GFOD1: variants seen among roughly 807,000 people sequenced by gnomAD.
The protein encoded by GFOD1 is glucose-fructose oxidoreductase domain-containing protein 1.
A neutral mutation model predicts 25.4 loss-of-function variants in GFOD1; 9 were observed. The ratio of observed to expected loss-of-function variants is 0.35; its 90% CI spans 0.21 to 0.62. GFOD1 has a LOEUF of 0.62. Ranked by LOEUF, GFOD1 falls within the 20% of genes least tolerant of loss-of-function variation. The pLI, the probability that GFOD1 is intolerant of heterozygous loss-of-function variation, is 0.72. For missense variants in GFOD1, 403 were observed against 556.9 expected (o/e 0.72, Z 2.78); for synonymous variants, 253 against 245.6 (o/e 1.03, Z -0.28).
intron 1 of GFOD1, among the ~76,000 whole-genome samples, chr6:13,402,007 G>T (rs1050895150): frequency 2.1e-4 from 32 of 152,138 alleles, no homozygotes; most frequent in Non-Finnish European, 4.3e-4. Flanking sequence ...TCAATGAGAA[G>T]AATTAATTAA....
Position 13,360,683 on chromosome 6 carries a change from T to G in GFOD1, c.*4060A>C, listed in dbSNP as rs1192783048. The G allele has an allele frequency of 6.6e-6, 3 of 456,514 alleles. No individual in the cohort carries two copies. Among genetic ancestry groups the G allele is most frequent in the East Asian group, 1.4e-4 (2 of 14,408 alleles). 28.3% of individuals were successfully genotyped at this position (456,514 alleles called of 1,614,324 possible). A position where few individuals can be genotyped will look rare whatever the true frequency, so the allele number is the denominator to read the frequency against. On this transcript the variant is annotated 3_prime_UTR_variant, in exon 2 of 2. Coordinates refer to ENST00000379287, the MANE Select transcript of GFOD1 (RefSeq NM_018988.4). ...GGAAGAAACACTGGCTACTTCTATG[T>G]GCAGCTCTACAGCCTCCTGGCAGAA...
At chr6:13,474,070 G>A (rs1480554105) in intron 1 of GFOD1, among the ~76,000 whole-genome samples, 1 of 152,226 alleles carries the variant, frequency 6.6e-6, no homozygotes, top group African/African-American at 2.4e-5. Context: ...AACGTTTTAT[G>A]AGGGGGATCC....
chr6:13,428,245 G>A lies in GFOD1; in HGVS notation c.253+58393C>T, dbSNP rs1757678320. Among the ~76,000 whole-genome samples the A allele has an allele frequency of 2.6e-5, 4 of 152,342 alleles. No homozygotes were observed. In the South Asian group the frequency reaches 8.3e-4, roughly 32 times the overall value. ...TCTCTGCGGTGTCTTTAGAAGGCCA[G>A]TTCCTTTACGTGCCTCTCAAGCCCA... On this transcript the variant is annotated intron_variant, in intron 1 of 1. Transcript: ENST00000379287.
intron 1 of GFOD1, chr6:13,469,539 T>C: frequency 1.9e-6 from 2 of 1,042,686 alleles, no homozygotes; most frequent in Non-Finnish European, 2.3e-6. Context: ...CAGCACATTA[T>C]ACTGGAAAAC....
chr6:13,391,297 A>G (rs972976867), intron 1 of GFOD1, among the ~76,000 whole-genome samples: 1 of 152,154 alleles, frequency 6.6e-6, no homozygotes, highest in African/African-American at 2.4e-5. Context: ...TGGCCATTTG[A>G]AACCAGCCTG....
chr6:13,420,922 T>A (rs1584641580), intron 1 of GFOD1, among the ~76,000 whole-genome samples: 1 of 152,164 alleles, frequency 6.6e-6, no homozygotes, highest in Non-Finnish European at 1.5e-5. Flanking sequence ...ATGTCATACA[T>A]CAGACAAAAT....
At chr6:13,374,949 G>A (rs772788362) in intron 1 of GFOD1, among the ~76,000 whole-genome samples, 12 of 151,688 alleles carry the variant, frequency 7.9e-5, no homozygotes, top group Non-Finnish European at 1.5e-4. Flanking sequence ...CTCCATGTTG[G>A]TCAAGCTGGT....
chr6:13,460,530 A>C (rs1191319277), intron 1 of GFOD1, among the ~76,000 whole-genome samples: 1 of 152,240 alleles, frequency 6.6e-6, no homozygotes, highest in Non-Finnish European at 1.5e-5. Context: ...ATGGAGCTGG[A>C]AGCCATCATT....
At position 13,486,577 on chromosome 6, in the gene GFOD1, G is replaced by A. The variant is rs1484862528; in HGVS notation, c.253+61C>T. ...CGGAGAGGGAAAGGCAGGGGGGAAG[G>A]AACCTAGAGAAGGTTAAAGGGCGGG... On this transcript the variant is annotated intron_variant, in intron 1 of 1. Transcript: ENST00000379287. 6.0e-6 allele frequency: 8 copies of A among 1,330,978 alleles called. No homozygotes were observed. The South Asian group carries it at 6.4e-5, about 11-fold the overall frequency. 82.4% of individuals were successfully genotyped at this position (1,330,978 alleles called of 1,614,324 possible).
At chr6:13,402,082 T>C (rs1341024178) in intron 1 of GFOD1, among the ~76,000 whole-genome samples, 1 of 152,170 alleles carries the variant, frequency 6.6e-6, no homozygotes, top group Admixed American at 6.5e-5. Context: ...AAAAATTCAA[T>C]GGGAAAAGAA....
intron 1 of GFOD1, among the ~76,000 whole-genome samples, chr6:13,478,079 A>C (rs1758667824): frequency 2.0e-5 from 3 of 149,434 alleles, no homozygotes; most frequent in Non-Finnish European, 4.5e-5. Context: ...AAAAAAAAAC[A>C]AAACAAAGAA....
intron 1 of GFOD1, among the ~76,000 whole-genome samples, chr6:13,464,943 T>C (rs1248857860): frequency 6.6e-6 from 1 of 151,836 alleles, no homozygotes. Flanking sequence ...GAAACAGAAG[T>C]TTCCTTGACT....
chr6:13,374,021 A>T (rs2127556618), intron 1 of GFOD1, among the ~76,000 whole-genome samples: 1 of 152,272 alleles, frequency 6.6e-6, no homozygotes, highest in East Asian at 1.9e-4. Context: ...AATAGCAACA[A>T]CAGTCATTTA....
rs549872611 is a variant in GFOD1 at position 13,470,582 on chromosome 6, T to C, written c.253+16056A>G. The C allele has an allele frequency of 1.8e-4, 266 of 1,511,544 alleles. 1 individual carries two copies. In the South Asian group the frequency reaches 2.9e-3, roughly 17 times the overall value. 93.6% of individuals were successfully genotyped at this position (1,511,544 alleles called of 1,614,324 possible). ...AACAGAACCACGTGGCATTTTTTTT[T>C]CCCCAGTATTTTTCTGTCTGCTGAT... is the stretch of plus-strand genomic sequence containing the variant. On this transcript the variant is annotated intron_variant, in intron 1 of 1. Transcript: ENST00000379287.
rs199701343 is a variant in GFOD1 at position 13,400,061 on chromosome 6, A to ATT, written c.254-34401_254-34400dup. Among the ~76,000 whole-genome samples, 342 of 146,932 alleles carry ATT rather than the reference A, an allele frequency of 2.3e-3. 1 individual carries two copies. The highest frequency in any genetic ancestry group is 7.2e-3 in the Middle Eastern group (2 of 278). On this transcript the variant is annotated intron_variant, in intron 1 of 1. Coordinates refer to ENST00000379287, the MANE Select transcript of GFOD1 (RefSeq NM_018988.4). The stretch of plus-strand genomic sequence containing the variant: ...AATCTATACAACTGTGGGGATTCTG[A>ATT]TTTTTTTTTTTTAAGAGGCCTCTGG...
chr6:13,361,197 C>T lies in GFOD1; in HGVS notation c.*3546G>A. On this transcript the variant is annotated 3_prime_UTR_variant, in exon 2 of 2. Transcript: ENST00000379287. ...TGTAGGCTAAGGGGGGTCTGGGGTGCCCTACAATGCAATTGTCTGTTGAGA... is the reference window on the plus strand; with the variant it reads ...TGTAGGCTAAGGGGGGTCTGGGGTGTCCTACAATGCAATTGTCTGTTGAGA... 1 of 259,478 alleles carries T rather than the reference C, an allele frequency of 3.9e-6. No homozygotes were observed. The highest frequency in any genetic ancestry group is 7.7e-6 in the Non-Finnish European group (1 of 130,050). 16.1% of individuals were successfully genotyped at this position (259,478 alleles called of 1,614,324 possible).
intron 1 of GFOD1, chr6:13,408,121 TAG>T (rs1785980989): frequency 1.0e-6 from 1 of 984,434 alleles, no homozygotes; most frequent in Non-Finnish European, 1.2e-6. Flanking sequence ...ATCCTCCACA[TAG>T]AGTCTTTATG....
intron 1 of GFOD1, among the ~76,000 whole-genome samples, chr6:13,453,563 A>G (rs1328193865): frequency 3.3e-5 from 5 of 152,206 alleles, no homozygotes; most frequent in African/African-American, 1.2e-4. Context: ...ATTCCTTTCA[A>G]TTCACCCTTT....
At chr6:13,373,741 A>AACACAC (rs10530031) in intron 1 of GFOD1, among the ~76,000 whole-genome samples, 5,477 of 129,534 alleles carry the variant, frequency 0.042, 246 homozygotes, top group African/African-American at 0.12. Context: ...CTGCTCCCCC[A>AACACAC]ACACACACAC....
Sources: gnomAD v4.1 joint callset for allele counts (sites outside exome capture counted in the v4.1 genomes callset) on GRCh38, gnomAD v4.1.1 for gene constraint, MANE v1.5 for transcripts, NCBI Gene and HGNC (gene_info 2026-07-23, HGNC 2026-07-21) for gene names.